The following KLRG1 variants were observed in gnomAD, a reference collection of about 807,000 sequenced individuals.
KLRG1 encodes killer cell lectin-like receptor subfamily G member 1.
Under a neutral mutation model 21.8 loss-of-function variants are expected in KLRG1, and 16 were observed. The observed-to-expected ratio is 0.73, with a 90% CI of 0.50 to 1.11. The LOEUF (loss-of-function observed/expected upper bound fraction) is 1.11. KLRG1 is among the 50% of genes most tolerant of loss of function. The pLI, the probability that KLRG1 is intolerant of heterozygous loss-of-function variation, is 0.00. For synonymous variants in KLRG1, 69 were observed against 75.9 expected (o/e 0.91, Z 0.47); for missense variants, 173 against 218.3 (o/e 0.79, Z 1.31).
At chr12:9,196,360 G>A in the KLRG1 span, 3 of 1,612,566 alleles carry the variant, frequency 1.9e-6, no homozygotes, top group Admixed American at 3.3e-5. Flanking sequence ...CTTGTCTAAA[G>A]TGTGAATCCA....
the KLRG1 span, among the ~76,000 whole-genome samples, chr12:9,205,388 A>G: frequency 6.6e-6 from 1 of 152,198 alleles, no homozygotes; most frequent in Non-Finnish European, 1.5e-5. Flanking sequence ...GTTTTTGAGC[A>G]TCTGCCACAT....
At chr12:9,125,748 T>G in the KLRG1 span, among the ~76,000 whole-genome samples, 1 of 152,228 alleles carries the variant, frequency 6.6e-6, no homozygotes, top group African/African-American at 2.4e-5. Context: ...GTTTGTTTGT[T>G]TTTTGAGATG....
chr12:8,997,842 A>G (rs2137371337), intron 3 of KLRG1, among the ~76,000 whole-genome samples: 1 of 151,846 alleles, frequency 6.6e-6, no homozygotes, highest in Non-Finnish European at 1.5e-5. Flanking sequence ...GCTGAAGTGC[A>G]GTGGCACAAT....
the KLRG1 span, chr12:9,160,484 A>G: frequency 1.2e-6 from 2 of 1,612,352 alleles, no homozygotes; most frequent in Non-Finnish European, 8.5e-7. Context: ...AGAACCTAAT[A>G]TGTCACCTGG....
At chr12:9,207,291 A>G in the KLRG1 span, among the ~76,000 whole-genome samples, 1 of 152,122 alleles carries the variant, frequency 6.6e-6, no homozygotes. Context: ...TGCAAGAGAG[A>G]GGTAGAAGTT....
the KLRG1 span, among the ~76,000 whole-genome samples, chr12:9,050,571 G>A: frequency 6.6e-6 from 1 of 152,032 alleles, no homozygotes; most frequent in African/African-American, 2.4e-5. Flanking sequence ...CCTCCTGGGT[G>A]GGGCTACAGC....
chr12:9,042,647 A>C, the KLRG1 span, among the ~76,000 whole-genome samples: 1 of 152,170 alleles, frequency 6.6e-6, no homozygotes, highest in African/African-American at 2.4e-5. Context: ...TGTTTACTGG[A>C]ATGGTTATAG....
At chr12:9,108,971 A>G in the KLRG1 span, among the ~76,000 whole-genome samples, 1 of 152,092 alleles carries the variant, frequency 6.6e-6, no homozygotes, top group Non-Finnish European at 1.5e-5. Flanking sequence ...TCCCTAATAT[A>G]CGTTTGGTTA....
the KLRG1 span, among the ~76,000 whole-genome samples, chr12:9,175,749 A>T: frequency 6.6e-6 from 1 of 152,216 alleles, no homozygotes. Flanking sequence ...AATCAAAACC[A>T]CAATGAGATA....
the KLRG1 span, among the ~76,000 whole-genome samples, chr12:9,209,658 T>A: frequency 1.3e-5 from 2 of 152,090 alleles, no homozygotes; most frequent in African/African-American, 4.8e-5. Flanking sequence ...ACAAATATGG[T>A]TGGAGTTTCC....
downstream of KLRG1, among the ~76,000 whole-genome samples, chr12:9,012,234 G>T (rs898488172): frequency 9.9e-5 from 15 of 152,168 alleles, no homozygotes; most frequent in African/African-American, 3.6e-4. Flanking sequence ...CCTGAGGAGA[G>T]GAGATGGAAG....
chr12:9,090,525 C>G, the KLRG1 span: 20,033 of 1,601,272 alleles, frequency 0.013, 1,982 homozygotes, highest in African/African-American at 0.22. Flanking sequence ...GGAAGGAGAA[C>G]AGAGGGAGAA....
At chr12:9,213,616 CATTTATGTATCATCT>C in the KLRG1 span, among the ~76,000 whole-genome samples, 2 of 151,924 alleles carry the variant, frequency 1.3e-5, no homozygotes, top group South Asian at 4.1e-4. Flanking sequence ...GCTTACTGAC[CATTTATGTATCATCT>C]TTAGAGGAAT....
At chr12:9,037,758 C>T in the KLRG1 span, among the ~76,000 whole-genome samples, 2 of 152,228 alleles carry the variant, frequency 1.3e-5, no homozygotes, top group East Asian at 3.9e-4. Context: ...CATTTAGATA[C>T]ACAAATATGT....
the KLRG1 span, chr12:9,074,492 T>C: frequency 4.8e-3 from 6,927 of 1,443,904 alleles, 260 homozygotes; most frequent in African/African-American, 0.083. Flanking sequence ...TTGGATGTGT[T>C]TGTTTCTTTT....
chr12:9,157,710 T>C, the KLRG1 span: 4 of 1,507,054 alleles, frequency 2.7e-6, no homozygotes, highest in Non-Finnish European at 3.7e-6. Flanking sequence ...AGGGTGGCAT[T>C]CCAGACAGCA....
At chr12:8,985,109 T>TTACATGTA (rs1946821222), upstream of KLRG1, among the ~76,000 whole-genome samples, 1 of 152,180 alleles carries the variant, frequency 6.6e-6, no homozygotes, top group African/African-American at 2.4e-5. Context: ...CAATCCAGGA[T>TTACATGTA]ACCACATTAC....
At chr12:9,078,630 T>C in the KLRG1 span, among the ~76,000 whole-genome samples, 4,772 of 152,314 alleles carry the variant, frequency 0.031, 107 homozygotes, top group Middle Eastern at 0.061. Context: ...TCTTCCACAA[T>C]GGTTGAACAA....
the KLRG1 span, chr12:9,090,249 G>T: frequency 8.5e-5 from 130 of 1,532,286 alleles, 1 homozygote; most frequent in South Asian, 1.5e-3. Flanking sequence ...GAAAAAAATC[G>T]CAGCATCTAG....
Sources: gnomAD v4.1 joint callset for allele counts (sites outside exome capture counted in the v4.1 genomes callset) on GRCh38, gnomAD v4.1.1 for gene constraint, MANE v1.5 for transcripts, NCBI Gene and HGNC (gene_info 2026-07-23, HGNC 2026-07-21) for gene names.